Variants in PDE4D observed in about 807,000 individuals in gnomAD.
PDE4D encodes the protein 3',5'-cyclic-AMP phosphodiesterase 4D.
A neutral mutation model predicts 87.4 loss-of-function variants in PDE4D; 24 were observed. The observed-to-expected ratio is 0.27, with a 90% CI of 0.20 to 0.39. The LOEUF is 0.39. Among genes scored for constraint, PDE4D ranks in the 10% least tolerant of loss-of-function variants. The pLI, the probability that PDE4D is intolerant of heterozygous loss-of-function variation, is 1.00. For missense variants in PDE4D, 714 were observed against 1,041.0 expected (o/e 0.69, Z 4.32); for synonymous variants, 384 against 383.2 (o/e 1.00, Z -0.02).
intron 1 of PDE4D, among the ~76,000 whole-genome samples, chr5:59,257,306 A>C (rs951043727): frequency 6.6e-6 from 1 of 152,006 alleles, no homozygotes; most frequent in African/African-American, 2.4e-5. Context: ...TAAACTCCTT[A>C]AGGGTGGCCA....
intron 3 of PDE4D, among the ~76,000 whole-genome samples, chr5:59,956,247 T>A (rs1355795745): frequency 6.6e-6 from 1 of 152,090 alleles, no homozygotes; most frequent in East Asian, 1.9e-4. Flanking sequence ...ACCACACAAC[T>A]AATAACAACC....
intron 3 of PDE4D, among the ~76,000 whole-genome samples, chr5:59,930,541 G>C (rs1755801606): frequency 6.6e-6 from 1 of 152,156 alleles, no homozygotes; most frequent in South Asian, 2.1e-4. Context: ...CTTGATTTTA[G>C]GCTTCTGACC....
At chr5:60,351,201 A>G (rs1267441127) in intron 1 of PDE4D, among the ~76,000 whole-genome samples, 1 of 152,204 alleles carries the variant, frequency 6.6e-6, no homozygotes, top group African/African-American at 2.4e-5. Context: ...ACAGCATAGT[A>G]TAATCCCCGT....
intron 1 of PDE4D, among the ~76,000 whole-genome samples, chr5:59,378,951 C>T (rs1785234404): frequency 6.8e-6 from 1 of 146,444 alleles, no homozygotes; most frequent in Non-Finnish European, 1.5e-5. Flanking sequence ...GATAGAGGAG[C>T]ATGAGTGTGT....
At chr5:60,285,008 T>C (rs1752284380) in intron 1 of PDE4D, among the ~76,000 whole-genome samples, 2 of 152,070 alleles carry the variant, frequency 1.3e-5, no homozygotes, top group Non-Finnish European at 1.5e-5. Flanking sequence ...TGTTTCTTTG[T>C]AATTGAGAAG....
chr5:60,304,645 C>A (rs1165929132), intron 1 of PDE4D, among the ~76,000 whole-genome samples: 2 of 114,890 alleles, frequency 1.7e-5, no homozygotes, highest in Non-Finnish European at 3.2e-5. Flanking sequence ...GAGCGAGACT[C>A]CGTCTCAAAA....
At chr5:60,066,250 T>G (rs1287959303) in intron 2 of PDE4D, among the ~76,000 whole-genome samples, 1 of 152,206 alleles carries the variant, frequency 6.6e-6, no homozygotes, top group African/African-American at 2.4e-5. Flanking sequence ...GAAGTGTCTG[T>G]TCATATCCTT....
At chr5:59,901,691 T>C (rs1752277377) in intron 3 of PDE4D, among the ~76,000 whole-genome samples, 1 of 152,198 alleles carries the variant, frequency 6.6e-6, no homozygotes, top group South Asian at 2.1e-4. Flanking sequence ...TCATTAGTTA[T>C]CAGGGAGATG....
intron 1 of PDE4D, among the ~76,000 whole-genome samples, chr5:59,715,398 A>C (rs561146541): frequency 2.6e-5 from 4 of 152,258 alleles, no homozygotes; most frequent in Admixed American, 2.0e-4. Context: ...ATCCCCCCCT[A>C]TGCCCGATGG....
At chr5:59,035,394 G>A (rs1758323193) in intron 6 of PDE4D, among the ~76,000 whole-genome samples, 1 of 152,170 alleles carries the variant, frequency 6.6e-6, no homozygotes, top group Admixed American at 6.5e-5. Context: ...GCATTTTTAT[G>A]ATACAGAAAT....
intron 1 of PDE4D, among the ~76,000 whole-genome samples, chr5:59,230,641 G>A (rs17443709): frequency 0.17 from 26,285 of 152,002 alleles, 2,992 homozygotes; most frequent in Non-Finnish European, 0.24. Context: ...AAATATAACC[G>A]AATTCTGATT....
chr5:59,144,899 G>GA (rs1378602863), intron 5 of PDE4D, among the ~76,000 whole-genome samples: 3 of 130,642 alleles, frequency 2.3e-5, no homozygotes, highest in Non-Finnish European at 3.3e-5. Context: ...ATGGGGGGGG[G>GA]GGGGGGAACC....
At chr5:59,512,386 G>A (rs1449447134) in intron 1 of PDE4D, among the ~76,000 whole-genome samples, 1 of 152,074 alleles carries the variant, frequency 6.6e-6, no homozygotes, top group South Asian at 2.1e-4. Flanking sequence ...ATCAATCAAC[G>A]TGCTCTTTTC....
chr5:59,157,898 A>G (rs1255416650), intron 5 of PDE4D, among the ~76,000 whole-genome samples: 2 of 152,224 alleles, frequency 1.3e-5, no homozygotes, highest in Non-Finnish European at 2.9e-5. Context: ...TTAGGGACAG[A>G]AAAACATTTT....
At chr5:59,970,095 G>A (rs978342111) in intron 3 of PDE4D, among the ~76,000 whole-genome samples, 2 of 152,114 alleles carry the variant, frequency 1.3e-5, no homozygotes, top group Non-Finnish European at 2.9e-5. Context: ...CAGGAACAAC[G>A]CTGATAAATT....
intron 1 of PDE4D, among the ~76,000 whole-genome samples, chr5:59,639,688 A>G (rs1474872969): frequency 6.6e-6 from 1 of 152,054 alleles, no homozygotes; most frequent in Non-Finnish European, 1.5e-5. Flanking sequence ...GTCAATGGGC[A>G]GTGCACAGTG....
chr5:59,581,737 A>G (rs925082828), intron 1 of PDE4D, among the ~76,000 whole-genome samples: 1 of 152,242 alleles, frequency 6.6e-6, no homozygotes, highest in Admixed American at 6.5e-5. Flanking sequence ...ACACTAAAAC[A>G]TAAACATTTG....
At chr5:60,450,418 T>C (rs1746009591) in intron 1 of PDE4D, among the ~76,000 whole-genome samples, 1 of 152,112 alleles carries the variant, frequency 6.6e-6, no homozygotes, top group Non-Finnish European at 1.5e-5. Flanking sequence ...CCAGCCTAGT[T>C]TGGACAAACT....
intron 1 of PDE4D, among the ~76,000 whole-genome samples, chr5:59,256,091 A>T (rs1760918779): frequency 6.6e-6 from 1 of 152,142 alleles, no homozygotes; most frequent in African/African-American, 2.4e-5. Context: ...TAAAAGATAG[A>T]CAAGAAATCC....
Sources: gnomAD v4.1 joint callset for allele counts (sites outside exome capture counted in the v4.1 genomes callset) on GRCh38, gnomAD v4.1.1 for gene constraint, MANE v1.5 for transcripts, NCBI Gene and HGNC (gene_info 2026-07-23, HGNC 2026-07-21) for gene names.